SETD1A: variants seen among roughly 807,000 people sequenced by gnomAD.
The protein encoded by SETD1A is histone-lysine N-methyltransferase SETD1A.
SETD1A carries 29 observed loss-of-function variants against 149.9 expected under a neutral mutation model. The ratio of observed to expected loss-of-function variants is 0.19; its 90% confidence interval spans 0.14 to 0.26. The LOEUF is 0.26. Ranked by LOEUF, SETD1A falls within the 10% of genes least tolerant of loss-of-function variation. The pLI is 1.00. For synonymous variants in SETD1A, 1,141 were observed against 968.5 expected (o/e 1.18, Z -3.31); for missense variants, 2,109 against 2,353.1 (o/e 0.90, Z 2.15).
intron 17 of SETD1A, 111 bp downstream of exon 17, chr16:30,981,291 T>C: frequency 7.1e-7 from 1 of 1,412,874 alleles, no homozygotes; most frequent in Non-Finnish European, 9.7e-7. Flanking sequence ...CTAACCCCGG[T>C]ACCTAGCCAG....
chr16:30,979,827 G>A lies in SETD1A; in HGVS notation c.4041G>A (p.Glu1347=), dbSNP rs2056342452. 8.4e-6 allele frequency: 13 copies of A among 1,555,080 alleles called. No homozygotes were observed. Among genetic ancestry groups the A allele is most frequent in the Non-Finnish European group, 1.1e-5 (13 of 1,157,250 alleles). ...CCGAGGTGGTGGTGGCTGAGGCGGAGGAGCCCAAGCCGCAGCAACTGCAGC... is the reference window on the plus strand; with the variant it reads ...CCGAGGTGGTGGTGGCTGAGGCGGAAGAGCCCAAGCCGCAGCAACTGCAGC... ...EAPEVVVAEA[E]EPKPQQLQQQ... Residue 1347 remains glutamate, a synonymous_variant, in exon 14 of 19, where the codon GAG becomes GAA. Coordinates refer to ENST00000262519, the MANE Select transcript of SETD1A (RefSeq NM_014712.3).
chr16:30,964,074 G>A lies in SETD1A; in HGVS notation c.640-20G>A. ...TGTTTGAGCCCATTCCTCTCTCCTT[G>A]CCCTGCTCTGTCGCTCTAGGCCGAA... On this transcript the variant is annotated intron_variant, in intron 5 of 18. Coordinates refer to ENST00000262519, the MANE Select transcript of SETD1A (RefSeq NM_014712.3). 1.2e-6 allele frequency: 2 copies of A among 1,601,378 alleles called. No individual in the cohort carries two copies. Among genetic ancestry groups the A allele is most frequent in the Non-Finnish European group, 1.7e-6 (2 of 1,173,324 alleles).
chr16:30,964,878 A>G lies in SETD1A; in HGVS notation c.1136A>G (p.His379Arg). Residue 379 changes from histidine (H) to arginine (R), a missense_variant, in exon 7 of 19, where the codon CAT becomes CGT. By Grantham distance (29) the His-to-Arg change is conservative. This residue lies in a region of SETD1A where 410 missense variants were observed against 394.8 expected (regional missense o/e 1.04). Coordinates refer to ENST00000262519, the MANE Select transcript of SETD1A (RefSeq NM_014712.3). The part of the protein sequence containing the change: ...YYESWNRYQR[H>R]TSYPPRRATR... ...GAAAGCTGGAATCGCTACCAGCGCCATACTTCCTACCCACCACGCCGGGCC... is the reference window on the plus strand; with the variant it reads ...GAAAGCTGGAATCGCTACCAGCGCCGTACTTCCTACCCACCACGCCGGGCC... 1 of 1,614,142 alleles carries G rather than the reference A, an allele frequency of 6.2e-7. No homozygotes were observed. The highest frequency in any genetic ancestry group is 2.2e-5 in the East Asian group (1 of 44,870).
At chr16:30,966,785 T>C (rs940895616) in intron 8 of SETD1A, 99 bp from the exon 9 acceptor site, 61 of 1,320,724 alleles carry the variant, frequency 4.6e-5, no homozygotes, top group Non-Finnish European at 3.5e-5. Context: ...GAGCAGCAAG[T>C]AGATGCGTTC....
rs1448566898 is a variant in SETD1A at position 30,983,698 on chromosome 16, C to T, written c.4876C>T (p.Arg1626Trp). ...QEGIGSSYLF[R>W]VDHDTIIDAT... Reference sequence around the variant, plus strand: ...GGGCATTGGCAGCAGCTACCTGTTCCGGGTGGACCACGACACCATCATCGA... The same window carrying T: ...GGGCATTGGCAGCAGCTACCTGTTCTGGGTGGACCACGACACCATCATCGA... The change falls in exon 18 of 19, where the codon CGG (arginine) becomes TGG (tryptophan). Residue 1626 changes from arginine to tryptophan, a missense_variant. Transcript: ENST00000262519. The surrounding 1 kb of genome is among the most constrained non-coding windows in gnomAD (Gnocchi z 6.8). 1.9e-6 allele frequency: 3 copies of T among 1,613,920 alleles called. No homozygotes were observed. The highest frequency in any genetic ancestry group is 2.7e-5 in the African/African-American group (2 of 74,916).
At chr16:30,981,721 C>G (rs2056380829) in intron 17 of SETD1A, among the ~76,000 whole-genome samples, 1 of 152,216 alleles carries the variant, frequency 6.6e-6, no homozygotes, top group African/African-American at 2.4e-5. Context: ...AGGACAGGCA[C>G]TGAACAAGTA....
Position 30,969,676 on chromosome 16 carries a change from A to G in SETD1A, c.3003A>G (p.Thr1001=), listed in dbSNP as rs554175007. The G allele has an allele frequency of 6.2e-7, 1 of 1,613,930 alleles. No individual in the cohort carries two copies. Among genetic ancestry groups the G allele is most frequent in the Admixed American group, 1.7e-5 (1 of 60,032 alleles). The stretch of plus-strand genomic sequence containing the variant: ...CTGTGGATACCACAAAGAAGGAGAC[A>G]GAGGTGTCGGATGGTGAGCACAAGA... The part of the protein sequence containing the change: ...EEAVDTTKKE[T]EVSDGEDEES... The change falls in exon 12 of 19, where the codon ACA becomes ACG. Residue 1001 remains threonine, a synonymous_variant. Transcript: ENST00000262519.
chr16:30,970,577 A>C (rs1375627219), intron 12 of SETD1A, among the ~76,000 whole-genome samples: 1 of 152,142 alleles, frequency 6.6e-6, no homozygotes, highest in African/African-American at 2.4e-5. Context: ...CTCTTGCAGC[A>C]GTCTTGACTG....
rs1469134693 is a variant in SETD1A, at chr16:30,957,902, C to A, written c.-78C>A. 6.6e-6 allele frequency: 1 copy of A among 152,380 alleles called. No homozygotes were observed. Among genetic ancestry groups the A allele is most frequent in the East Asian group, 1.9e-4 (1 of 5,192 alleles). 9.4% of individuals were successfully genotyped at this position (152,380 alleles called of 1,614,324 possible). A position where few individuals can be genotyped will look rare whatever the true frequency, so the allele number is the denominator to read the frequency against. ...AGCCGCTACCCTCGGCCCCGTGGGTCCCCCGGCAGCGCCTGTGGCGAAAGT... is the reference window on the plus strand; with the variant it reads ...AGCCGCTACCCTCGGCCCCGTGGGTACCCCGGCAGCGCCTGTGGCGAAAGT... On this transcript the variant is annotated 5_prime_UTR_variant, in exon 1 of 19. Transcript: ENST00000262519.
chr16:30,960,200 T>C (rs116692581), intron 3 of SETD1A, among the ~76,000 whole-genome samples: 1,563 of 152,306 alleles, frequency 0.01, 31 homozygotes, highest in African/African-American at 0.035. Context: ...CTTGCTGTCA[T>C]TTGTCTCTTT....
In SETD1A at chr16:30,971,437, G is replaced by C. The variant is rs773277646; in HGVS notation, c.3076G>C (p.Glu1026Gln). 4.2e-5 allele frequency: 67 copies of C among 1,612,858 alleles called. No homozygotes were observed. The highest frequency in any genetic ancestry group is 5.6e-5 in the Non-Finnish European group (66 of 1,179,158). ...TTCTCTGTATGCTGACTCAGATGGC[G>C]AAAATGACAGCACATCAGACTCCGA... is the stretch of plus-strand genomic sequence containing the variant. ...KCSLYADSDG[E>Q]NDSTSDSESS... The change falls in exon 13 of 19, where the codon GAA becomes CAA. Residue 1026 changes from glutamate (E) to glutamine (Q), a missense_variant. Glu to Gln is a conservative substitution (Grantham distance 29). Transcript: ENST00000262519.
At chr16:30,973,947 G>A in intron 13 of SETD1A, among the ~76,000 whole-genome samples, 1 of 152,164 alleles carries the variant, frequency 6.6e-6, no homozygotes, top group East Asian at 1.9e-4. Context: ...AGGAAGGAGA[G>A]GGGCCTGACC....
Position 30,980,483 on chromosome 16 carries a change from A to G in SETD1A, c.4409-2A>G. On this transcript the variant is annotated splice_acceptor_variant, in intron 14 of 18. Coordinates refer to ENST00000262519, the MANE Select transcript of SETD1A (RefSeq NM_014712.3). LOFTEE classifies it high-confidence loss of function. The surrounding 1 kb of genome is among the most constrained non-coding windows in gnomAD (Gnocchi z 7.7). ...GCCGTTCTCTTCCTTAACACCCTGC[A>G]CTCACCAACCTGACCACCCCAAAAC... 6.2e-7 allele frequency: 1 copy of G among 1,612,376 alleles called. No individual in the cohort carries two copies. Among genetic ancestry groups the G allele is most frequent in the Admixed American group, 1.7e-5 (1 of 59,852 alleles).
At position 30,964,665 on chromosome 16, in the gene SETD1A, C is replaced by T. The variant is rs541611004; in HGVS notation, c.923C>T (p.Ala308Val). Residue 308 changes from alanine (A) to valine (V), a missense_variant, in exon 7 of 19, where the codon GCC becomes GTC. By Grantham distance (64) the Ala-to-Val change is moderately conservative. This residue lies in a region of SETD1A where 410 missense variants were observed against 394.8 expected (regional missense o/e 1.04). Transcript: ENST00000262519. ...PRRSENSYQD[A>V]FSRRHFSASS... ...CGGTCAGAGAACAGCTACCAAGATG[C>T]CTTTTCCCGCCGCCACTTCTCTGCA... 3.1e-6 allele frequency: 5 copies of T among 1,614,046 alleles called. No individual in the cohort carries two copies. The South Asian group carries it at 5.5e-5, about 18-fold the overall frequency.
Position 30,979,345 on chromosome 16 carries a change from C to T in SETD1A, c.3559C>T (p.Pro1187Ser). 1 of 1,613,282 alleles carries T rather than the reference C, an allele frequency of 6.2e-7. No individual in the cohort carries two copies. The highest frequency in any genetic ancestry group is 8.5e-7 in the Non-Finnish European group (1 of 1,179,670). ...CCCGGAGCCCCCTCCAGCCACACCGCCGCAGGCCAAGTTTCCCGGCCCAGC... is the reference window on the plus strand; with the variant it reads ...CCCGGAGCCCCCTCCAGCCACACCGTCGCAGGCCAAGTTTCCCGGCCCAGC... ...PAPEPPPATPPQAKFPGPASR... is the reference protein window; with the variant it reads ...PAPEPPPATPSQAKFPGPASR... Residue 1187 changes from proline to serine, a missense_variant, in exon 14 of 19, where the codon CCG becomes TCG. Transcript: ENST00000262519.
chr16:30,981,814 G>T (rs755644902), intron 17 of SETD1A, among the ~76,000 whole-genome samples: 1 of 152,182 alleles, frequency 6.6e-6, no homozygotes, highest in Non-Finnish European at 1.5e-5. Flanking sequence ...AGCCGGGCGT[G>T]GGGGTACATG....
chr16:30,982,716 G>A (rs976216404), intron 17 of SETD1A, among the ~76,000 whole-genome samples: 18 of 151,834 alleles, frequency 1.2e-4, no homozygotes, highest in Admixed American at 6.6e-5. Flanking sequence ...TGAGCTCCAT[G>A]TCTAGGCTGA....
chr16:30,982,455 C>T (rs1418619204), intron 17 of SETD1A, among the ~76,000 whole-genome samples: 5 of 150,810 alleles, frequency 3.3e-5, no homozygotes, highest in South Asian at 2.1e-4. Context: ...GAGCCAAGAT[C>T]GCGCCATTGC....
chr16:30,977,931 T>A (rs1355750718), intron 13 of SETD1A, among the ~76,000 whole-genome samples: 1 of 152,186 alleles, frequency 6.6e-6, no homozygotes, highest in East Asian at 1.9e-4. Context: ...GAGCTTGTTC[T>A]GTCATCTGGT....
Sources: allele counts gnomAD v4.1 joint callset (sites outside exome capture counted in the v4.1 genomes callset), GRCh38; gene constraint gnomAD v4.1.1; regional missense constraint gnomAD v4.1.1; non-coding constraint Gnocchi (gnomAD v3.1); transcripts MANE v1.5; gene names NCBI Gene and HGNC (gene_info 2026-07-23, HGNC 2026-07-21).